Variants in TBC1D5 observed in about 807,000 individuals in gnomAD.
The protein encoded by TBC1D5 is TBC1 domain family member 5.
Under a neutral mutation model 100.3 loss-of-function variants are expected in TBC1D5, and 75 were observed. That is an observed-to-expected ratio of 0.75 (90% CI 0.62 to 0.91). The LOEUF (loss-of-function observed/expected upper bound fraction) is 0.91, where lower values mean the gene tolerates loss of function less well. Ranked by LOEUF, TBC1D5 falls within the 40% of genes least tolerant of loss-of-function variation. The pLI is 0.00. For synonymous variants in TBC1D5, 323 were observed against 325.6 expected, an observed-to-expected ratio of 0.99 and a Z score of 0.09; for missense variants, 910 against 942.4, an observed-to-expected ratio of 0.97 and a Z score of 0.45.
intron 2 of TBC1D5, among the ~76,000 whole-genome samples, chr3:17,592,077 T>C (rs543151195): frequency 1.6e-4 from 24 of 152,376 alleles, no homozygotes; most frequent in African/African-American, 5.5e-4. Flanking sequence ...TATGCAGCCA[T>C]TGACCTGGCA....
intron 18 of TBC1D5, among the ~76,000 whole-genome samples, chr3:17,199,875 T>A (rs1310950609): frequency 2.0e-5 from 3 of 152,090 alleles, no homozygotes; most frequent in African/African-American, 7.2e-5. Flanking sequence ...TCTTTCAGAG[T>A]TCCTCACAGA....
At chr3:17,364,209 T>C (rs1244711296) in intron 13 of TBC1D5, among the ~76,000 whole-genome samples, 1 of 152,176 alleles carries the variant, frequency 6.6e-6, no homozygotes, top group Non-Finnish European at 1.5e-5. Context: ...TTCCTTAAAA[T>C]AGCAACAAAA....
chr3:17,220,935 T>A (rs1050076702), intron 17 of TBC1D5, among the ~76,000 whole-genome samples: 1 of 152,208 alleles, frequency 6.6e-6, no homozygotes, highest in Non-Finnish European at 1.5e-5. Flanking sequence ...TTTATTCATC[T>A]CTTCAAAGTT....
In TBC1D5 at chr3:17,575,837, A is replaced by G. The variant is rs2096654314; in HGVS notation, c.-36+48012T>C. 3.9e-5 allele frequency among the ~76,000 whole-genome samples: 6 copies of G among 152,280 alleles called. No individual in the cohort carries two copies. In the South Asian group the frequency reaches 1.2e-3, roughly 32 times the overall value. On this transcript the variant is annotated intron_variant, in intron 2 of 21. Coordinates refer to ENST00000253692, the Ensembl canonical transcript of TBC1D5. The stretch of plus-strand genomic sequence containing the variant: ...CTCTAAAAATATAAGCAACATTTAA[A>G]CTAAATGTATGGTGAATATCAACAT...
chr3:17,614,162 T>G (rs1232913655), intron 2 of TBC1D5, among the ~76,000 whole-genome samples: 1 of 152,232 alleles, frequency 6.6e-6, no homozygotes, highest in African/African-American at 2.4e-5. Flanking sequence ...CCATTTCTTG[T>G]TTTTGTCAGG....
chr3:17,481,181 G>A (rs562357509), intron 3 of TBC1D5, among the ~76,000 whole-genome samples: 11 of 152,324 alleles, frequency 7.2e-5, no homozygotes, highest in East Asian at 1.9e-4. Flanking sequence ...TGATCAAGCC[G>A]CAGCTTTGCA....
chr3:17,241,649 T>C (rs928419726), intron 16 of TBC1D5, among the ~76,000 whole-genome samples: 1 of 152,200 alleles, frequency 6.6e-6, no homozygotes, highest in African/African-American at 2.4e-5. Flanking sequence ...ATCCTCAAAA[T>C]ACCTGTACCA....
intron 17 of TBC1D5, among the ~76,000 whole-genome samples, chr3:17,237,820 T>C (rs749226752): frequency 3.2e-4 from 48 of 152,214 alleles, no homozygotes; most frequent in Admixed American, 5.2e-4. Flanking sequence ...ACTTCTCATT[T>C]TGGATTCCTT....
At chr3:17,434,518 C>T (rs980690357) in intron 3 of TBC1D5, among the ~76,000 whole-genome samples, 7 of 152,202 alleles carry the variant, frequency 4.6e-5, no homozygotes, top group Admixed American at 4.6e-4. Context: ...CACGGCCCAA[C>T]CATATCACTG....
intron 1 of TBC1D5, among the ~76,000 whole-genome samples, chr3:17,699,008 C>G (rs1253713056): frequency 1.3e-5 from 2 of 150,806 alleles, no homozygotes; most frequent in Admixed American, 6.6e-5. Context: ...ATCTAGAACT[C>G]GAAATACCAT....
intron 2 of TBC1D5, among the ~76,000 whole-genome samples, chr3:17,525,781 T>TTTTTTTTTTTTTTTTTTTTTTTGAGACG (rs1480570774): frequency 3.3e-5 from 5 of 151,458 alleles, no homozygotes; most frequent in African/African-American, 1.2e-4. Context: ...TCTGTTTTCT[T>TTTTTTTTTTTTTTTTTTTTTTTGAGACG]GAATAACAAG....
chr3:17,579,770 TAAAACCACAGAAAGC>T (rs370274750), intron 2 of TBC1D5, among the ~76,000 whole-genome samples: 12 of 152,050 alleles, frequency 7.9e-5, no homozygotes, highest in African/African-American at 2.7e-4. Context: ...CTGCCATAAG[TAAAACCACAGAAAGC>T]AAAACCACAG....
At position 17,353,160 on chromosome 3, in the gene TBC1D5, G is replaced by A. The variant is rs551090197; in HGVS notation, c.995+18915C>T. ...AATGAAGTTACCTGCAAGAGACTTG[G>A]TATTACAATGAATTTGGTTAACTTG... On this transcript the variant is annotated intron_variant, in intron 13 of 21. Transcript: ENST00000253692. 2.0e-5 allele frequency among the ~76,000 whole-genome samples: 3 copies of A among 152,096 alleles called. No individual in the cohort carries two copies. In the South Asian group the frequency reaches 6.2e-4, roughly 32 times the overall value.
intron 1 of TBC1D5, among the ~76,000 whole-genome samples, chr3:17,663,763 T>C (rs2066920073): frequency 6.6e-6 from 1 of 152,204 alleles, no homozygotes; most frequent in Non-Finnish European, 1.5e-5. Context: ...GTAGTATATG[T>C]AACAGTGGAA....
At chr3:17,647,929 A>G (rs1345661938) in intron 1 of TBC1D5, among the ~76,000 whole-genome samples, 2 of 152,216 alleles carry the variant, frequency 1.3e-5, no homozygotes, top group Non-Finnish European at 2.9e-5. Flanking sequence ...TACAGATTCA[A>G]TGCTATTTCT....
chr3:17,192,352 G>T (rs1272500677), intron 18 of TBC1D5, among the ~76,000 whole-genome samples: 3 of 149,632 alleles, frequency 2.0e-5, no homozygotes, highest in Non-Finnish European at 4.4e-5. Flanking sequence ...AAACTTCTAT[G>T]AAATAAATTG....
intron 1 of TBC1D5, among the ~76,000 whole-genome samples, chr3:17,640,748 C>T (rs1359911216): frequency 6.6e-6 from 1 of 151,712 alleles, no homozygotes; most frequent in African/African-American, 2.4e-5. Flanking sequence ...AATGCAATGC[C>T]CTTTTGTCAA....
intron 17 of TBC1D5, among the ~76,000 whole-genome samples, chr3:17,221,458 C>T (rs761805605): frequency 6.6e-6 from 1 of 151,960 alleles, no homozygotes; most frequent in African/African-American, 2.4e-5. Context: ...ACAACAGTCC[C>T]CAGTGTGTGA....
At chr3:17,506,620 T>C (rs920118107) in intron 3 of TBC1D5, among the ~76,000 whole-genome samples, 1 of 152,224 alleles carries the variant, frequency 6.6e-6, no homozygotes, top group East Asian at 1.9e-4. Flanking sequence ...TTAATGGCAC[T>C]TTTAAACATC....
Sources: gnomAD v4.1 joint callset for allele counts (sites outside exome capture counted in the v4.1 genomes callset) on GRCh38, gnomAD v4.1.1 for gene constraint, MANE v1.5 for transcripts, NCBI Gene and HGNC (gene_info 2026-07-23, HGNC 2026-07-21) for gene names.